MED13L: variants seen among roughly 807,000 people sequenced by gnomAD.
MED13L encodes the protein mediator of RNA polymerase II transcription subunit 13-like.
In MED13L, 7 loss-of-function variants were observed where a neutral mutation model predicts 220.9. The observed-to-expected ratio is 0.03, with a 90% confidence interval of 0.02 to 0.06. The LOEUF is 0.06. Ranked by LOEUF, MED13L falls within the 10% of genes least tolerant of loss-of-function variation. MED13L has a pLI of 1.00. For synonymous variants in MED13L, 1,011 were observed against 1,015.2 expected, an observed-to-expected ratio of 1.00 and a Z score of 0.08; for missense variants, 1,965 against 2,760.5, an observed-to-expected ratio of 0.71 and a Z score of 6.46.
intron 4 of MED13L, among the ~76,000 whole-genome samples, chr12:116,073,691 G>A (rs1353223128): frequency 2.6e-5 from 4 of 152,174 alleles, no homozygotes; most frequent in Non-Finnish European, 5.9e-5. Context: ...TTCAACCCTT[G>A]ACCTGAGCTG....
At chr12:116,264,142 T>G (rs576150053) in intron 1 of MED13L, among the ~76,000 whole-genome samples, 6 of 152,118 alleles carry the variant, frequency 3.9e-5, no homozygotes, top group African/African-American at 1.4e-4. Context: ...AATAATAAAC[T>G]GCAAAGAGAG....
chr12:116,016,633 G>A (rs1464031334), intron 7 of MED13L, among the ~76,000 whole-genome samples: 3 of 152,116 alleles, frequency 2.0e-5, no homozygotes, highest in South Asian at 2.1e-4. Flanking sequence ...GAAAAGAGTA[G>A]GGAGAAACAA....
At chr12:116,157,988 C>G (rs763736656) in intron 2 of MED13L, among the ~76,000 whole-genome samples, 1 of 152,014 alleles carries the variant, frequency 6.6e-6, no homozygotes, top group Admixed American at 6.5e-5. Context: ...TGCCACAGCC[C>G]GCTGGTATTT....
At chr12:116,037,644 C>T (rs1011891696) in intron 4 of MED13L, among the ~76,000 whole-genome samples, 1 of 152,068 alleles carries the variant, frequency 6.6e-6, no homozygotes, top group Non-Finnish European at 1.5e-5. Flanking sequence ...TTGGGTAGTG[C>T]GTTATAAATT....
chr12:116,052,978 T>C (rs534302060), intron 4 of MED13L, among the ~76,000 whole-genome samples: 5 of 152,302 alleles, frequency 3.3e-5, no homozygotes, highest in Admixed American at 2.0e-4. Flanking sequence ...ATTAACGTCT[T>C]AAAAAGCACT....
chr12:116,015,188 C>T lies in MED13L; in HGVS notation c.1096G>A (p.Gly366Arg). 1.2e-6 allele frequency: 2 copies of T among 1,613,816 alleles called. No homozygotes were observed. Among genetic ancestry groups the T allele is most frequent in the Non-Finnish European group, 8.5e-7 (1 of 1,179,862 alleles). Reference protein sequence around the residue: ...MITMHSPKRSGKIPPKLHNHM... With the variant: ...MITMHSPKRSRKIPPKLHNHM... ...TTGTGGAGTTTTGGAGGAATCTTCC[C>T]CGATCTCTTTGGACTGTGCATCGTT... is the stretch of plus-strand genomic sequence containing the variant. Residue 366 changes from glycine (G) to arginine (R), a missense_variant, in exon 8 of 31, where the codon GGG (glycine) becomes AGG (arginine). Gly to Arg is a moderately radical substitution (Grantham distance 125, BLOSUM62 -2). Around this residue, in one of 10 missense-constraint regions of MED13L, gnomAD observed 818 missense variants for 1,041.2 expected, o/e 0.79. Coordinates refer to ENST00000281928, the MANE Select transcript of MED13L (RefSeq NM_015335.5).
intron 4 of MED13L, among the ~76,000 whole-genome samples, chr12:116,075,323 C>T (rs1188845015): frequency 2.6e-5 from 4 of 152,198 alleles, no homozygotes; most frequent in Non-Finnish European, 5.9e-5. Context: ...ACTACTACTA[C>T]CACTTAATCT....
In MED13L at chr12:116,255,684, A is replaced by G. The variant is rs147938437; in HGVS notation, c.73-17979T>C. Among the ~76,000 whole-genome samples the G allele has an allele frequency of 4.6e-5, 7 of 152,350 alleles. No individual in the cohort carries two copies. In the East Asian group the frequency reaches 1.3e-3, roughly 29 times the overall value. ...TTCCAATTCAGTAAGAAAACAACCT[A>G]ATTTTTAAATTGGGCAAAAGATGTG... On this transcript the variant is annotated intron_variant, in intron 1 of 30. Transcript: ENST00000281928.
intron 2 of MED13L, among the ~76,000 whole-genome samples, chr12:116,119,728 C>T (rs2137943504): frequency 1.4e-5 from 2 of 140,204 alleles, no homozygotes; most frequent in South Asian, 4.6e-4. Flanking sequence ...TCACTTGAGT[C>T]AAAGAGTTTG....
rs777897403 is a variant in MED13L at position 115,982,598 on chromosome 12, G to T, written c.4961C>A (p.Thr1654Lys). The T allele has an allele frequency of 1.2e-6, 2 of 1,612,218 alleles. No homozygotes were observed. The highest frequency in any genetic ancestry group is 2.2e-5 in the South Asian group (2 of 91,042). ...QPSQDGQESV[T>K]ERERIGIPTE... ...GGGAATTCCTATTCTCTCCCTTTCT[G>T]TAACACTGGAGAGAGAGTCACTTGT... Residue 1654 changes from threonine (T) to lysine (K), a missense_variant, in exon 22 of 31, where the codon ACA becomes AAA. Physicochemically the swap from Thr to Lys is moderately conservative, Grantham distance 78. This residue lies in a region of MED13L where 510 missense variants were observed against 620.4 expected (regional missense o/e 0.82). Coordinates refer to ENST00000281928, the MANE Select transcript of MED13L (RefSeq NM_015335.5).
intron 2 of MED13L, among the ~76,000 whole-genome samples, chr12:116,167,979 A>G (rs932230916): frequency 3.3e-5 from 5 of 152,310 alleles, no homozygotes; most frequent in African/African-American, 1.2e-4. Context: ...ATAAAATGCT[A>G]GCTTTAAAAA....
At chr12:116,193,259 T>C (rs1450004625) in intron 2 of MED13L, among the ~76,000 whole-genome samples, 1 of 152,096 alleles carries the variant, frequency 6.6e-6, no homozygotes, top group Non-Finnish European at 1.5e-5. Context: ...TGCAGTGAGC[T>C]ACGATCATGC....
intron 2 of MED13L, among the ~76,000 whole-genome samples, chr12:116,195,688 C>T (rs1593153232): frequency 6.6e-6 from 1 of 151,798 alleles, no homozygotes; most frequent in Admixed American, 6.6e-5. Flanking sequence ...TGACCTCAAG[C>T]GATCCACCCA....
intron 2 of MED13L, among the ~76,000 whole-genome samples, chr12:116,218,200 G>C (rs1036045612): frequency 6.6e-6 from 1 of 152,016 alleles, no homozygotes; most frequent in South Asian, 2.1e-4. Context: ...AGTTTACTTC[G>C]TATAATACTT....
chr12:116,164,498 G>A (rs1342326549), intron 2 of MED13L, among the ~76,000 whole-genome samples: 1 of 152,180 alleles, frequency 6.6e-6, no homozygotes, highest in Admixed American at 6.5e-5. Flanking sequence ...AGCCTTTTCT[G>A]ACTGATGTGA....
intron 2 of MED13L, among the ~76,000 whole-genome samples, chr12:116,155,176 C>T (rs1878337354): frequency 1.3e-5 from 2 of 152,142 alleles, no homozygotes; most frequent in African/African-American, 4.8e-5. Context: ...GTAATCACAG[C>T]ACTTTGGGAG....
intron 3 of MED13L, among the ~76,000 whole-genome samples, chr12:116,097,229 G>A (rs969706417): frequency 6.6e-6 from 1 of 151,624 alleles, no homozygotes; most frequent in East Asian, 1.9e-4. Context: ...CACTGCAGCC[G>A]CCACCCCCCA....
chr12:115,997,019 C>T lies in MED13L; in HGVS notation c.2781G>A (p.Glu927=), dbSNP rs1336040404. The change falls in exon 15 of 31, where the codon GAG becomes GAA. Residue 927 remains glutamate (E), a synonymous_variant. Coordinates refer to ENST00000281928, the MANE Select transcript of MED13L (RefSeq NM_015335.5). ...ATATATTGACAACTACCTTAATTTC[C>T]TCGGGCTTGGGACTTCCTAATCCAT... ...VEDGLGSPKP[E]EIKDFSYVHK... is the part of the protein sequence containing the mutation. 1 of 1,613,362 alleles carries T rather than the reference C, an allele frequency of 6.2e-7. No homozygotes were observed.
At chr12:115,984,426 T>C (rs1877549450) in intron 19 of MED13L, 54 bp from the exon 20 acceptor site, 22 of 1,582,286 alleles carry the variant, frequency 1.4e-5, no homozygotes, top group Non-Finnish European at 1.7e-5. Context: ...CTTCATTCAG[T>C]ACCAATGGTT....
Sources: gnomAD v4.1 joint callset for allele counts (sites outside exome capture counted in the v4.1 genomes callset) on GRCh38, gnomAD v4.1.1 for gene constraint, gnomAD v4.1.1 regional missense constraint, MANE v1.5 for transcripts, NCBI Gene and HGNC (gene_info 2026-07-23, HGNC 2026-07-21) for gene names.